Variants in SMG6 observed in about 807,000 individuals in gnomAD.
SMG6 encodes the protein SMG6 nonsense mediated mRNA decay factor.
Under a neutral mutation model 142.2 loss-of-function variants are expected in SMG6, and 66 were observed. The observed-to-expected ratio is 0.46, with a 90% CI of 0.38 to 0.57. The LOEUF is 0.57. Ranked by LOEUF, SMG6 falls within the 20% of genes least tolerant of loss-of-function variation. SMG6 has a pLI of 0.00. For missense variants in SMG6, 1,793 were observed against 1,832.0 expected, an observed-to-expected ratio of 0.98 and a Z score of 0.39; for synonymous variants, 779 against 702.4, an observed-to-expected ratio of 1.11 and a Z score of -1.72.
chr17:2,169,925 C>A (rs921681663), intron 13 of SMG6, among the ~76,000 whole-genome samples: 4 of 152,160 alleles, frequency 2.6e-5, no homozygotes, highest in African/African-American at 9.7e-5. Flanking sequence ...AGTGGGAAGA[C>A]AGAATTGTAT....
At position 2,291,287 on chromosome 17, in the gene SMG6, C is replaced by T. The variant is rs551663204; in HGVS notation, c.2337+1265G>A. ...CGGAGCTTGCCGTGAGCCGAGATCG[C>T]GCCACTGCACTCCAGCCTGAGCGAC... On this transcript the variant is annotated intron_variant, in intron 6 of 18. Coordinates refer to ENST00000263073, the MANE Select transcript of SMG6 (RefSeq NM_017575.5). Among the ~76,000 whole-genome samples, 134 of 151,324 alleles carry T rather than the reference C, an allele frequency of 8.9e-4. 1 individual carries two copies. The highest frequency in any genetic ancestry group is 3.0e-3 in the African/African-American group (123 of 41,166).
At chr17:2,298,704 C>T (rs990928245) in intron 2 of SMG6, among the ~76,000 whole-genome samples, 3 of 145,290 alleles carry the variant, frequency 2.1e-5, no homozygotes, top group African/African-American at 7.7e-5. Flanking sequence ...GGCGACAGAG[C>T]GAGACTCCGT....
At chr17:2,132,556 T>G (rs1351340391) in intron 13 of SMG6, among the ~76,000 whole-genome samples, 1 of 152,142 alleles carries the variant, frequency 6.6e-6, no homozygotes, top group East Asian at 1.9e-4. Context: ...AAAATTGTAT[T>G]TGGAAATCAA....
At chr17:2,278,475 C>T (rs1046140170) in intron 8 of SMG6, among the ~76,000 whole-genome samples, 1 of 152,022 alleles carries the variant, frequency 6.6e-6, no homozygotes, top group African/African-American at 2.4e-5. Flanking sequence ...AAAGTGCTGG[C>T]ATTACAAGCG....
intron 13 of SMG6, among the ~76,000 whole-genome samples, chr17:2,119,699 T>C (rs1298754997): frequency 1.3e-5 from 2 of 152,098 alleles, no homozygotes; most frequent in Admixed American, 6.6e-5. Context: ...TCTTGCTCTG[T>C]TGCCCAGGCT....
At chr17:2,285,940 C>G (rs1344609136) in intron 6 of SMG6, among the ~76,000 whole-genome samples, 1 of 151,974 alleles carries the variant, frequency 6.6e-6, no homozygotes, top group Non-Finnish European at 1.5e-5. Context: ...TCCCAAAGTG[C>G]TGGGATTACA....
At chr17:2,158,419 T>C (rs2151618426) in intron 13 of SMG6, among the ~76,000 whole-genome samples, 1 of 152,312 alleles carries the variant, frequency 6.6e-6, no homozygotes, top group South Asian at 2.1e-4. Context: ...TTTCATCTGG[T>C]TATTTCTGAG....
intron 7 of SMG6, 77 bp downstream of exon 7, chr17:2,283,548 C>A: frequency 1.7e-6 from 2 of 1,162,510 alleles, no homozygotes; most frequent in Non-Finnish European, 2.6e-6. Flanking sequence ...CCTGCCGGTG[C>A]GCAGAGCTAG....
At chr17:2,234,435 G>A (rs1051541995) in intron 10 of SMG6, among the ~76,000 whole-genome samples, 1 of 151,280 alleles carries the variant, frequency 6.6e-6, no homozygotes, top group African/African-American at 2.4e-5. Context: ...CTAATTTTTG[G>A]TATTTTTAGT....
At chr17:2,158,405 A>G (rs183316687) in intron 13 of SMG6, among the ~76,000 whole-genome samples, 1 of 152,328 alleles carries the variant, frequency 6.6e-6, no homozygotes, top group Admixed American at 6.5e-5. Context: ...GAGGTTTTAT[A>G]TTATTTCATC....
At chr17:2,062,537 C>T (rs1050209564) in intron 18 of SMG6, 1 of 151,150 alleles carries the variant, frequency 6.6e-6, no homozygotes, top group Non-Finnish European at 1.5e-5. Flanking sequence ...TCCACTACCT[C>T]TCTTTCCCTA....
At chr17:2,171,253 A>G (rs903050529) in intron 13 of SMG6, among the ~76,000 whole-genome samples, 3 of 152,190 alleles carry the variant, frequency 2.0e-5, no homozygotes, top group African/African-American at 7.2e-5. Flanking sequence ...CAGCCTGGGC[A>G]ACAGAGTGAG....
chr17:2,138,561 C>A (rs1381355232), intron 13 of SMG6, among the ~76,000 whole-genome samples: 1 of 152,120 alleles, frequency 6.6e-6, no homozygotes, highest in African/African-American at 2.4e-5. Context: ...AGTAGTAGAC[C>A]AGATGCTTTA....
At chr17:2,269,123 G>A (rs1403767904) in intron 8 of SMG6, among the ~76,000 whole-genome samples, 6 of 151,334 alleles carry the variant, frequency 4.0e-5, no homozygotes, top group African/African-American at 1.5e-4. Context: ...GAGAGGCTGC[G>A]GCAGGAGAAT....
chr17:2,125,621 T>C (rs2069847940), intron 13 of SMG6, among the ~76,000 whole-genome samples: 1 of 152,222 alleles, frequency 6.6e-6, no homozygotes, highest in Non-Finnish European at 1.5e-5. Context: ...AAAATCCCAA[T>C]GGCATTTTCC....
chr17:2,303,147 G>A (rs1371079779), intron 1 of SMG6: 2 of 985,340 alleles, frequency 2.0e-6, no homozygotes, highest in African/African-American at 3.5e-5. Flanking sequence ...CGCAGCTTTC[G>A]GAAGCCTGTC....
intron 8 of SMG6, among the ~76,000 whole-genome samples, chr17:2,277,920 T>C (rs1434984562): frequency 6.6e-6 from 1 of 152,032 alleles, no homozygotes; most frequent in Non-Finnish European, 1.5e-5. Context: ...TGGTGGCGCA[T>C]GCTTGCAGTC....
intron 12 of SMG6, among the ~76,000 whole-genome samples, chr17:2,180,462 A>AT (rs1275820247): frequency 6.6e-6 from 1 of 152,200 alleles, no homozygotes; most frequent in Non-Finnish European, 1.5e-5. Context: ...CACAGATCTA[A>AT]TAAGTGCCAC....
intron 8 of SMG6, among the ~76,000 whole-genome samples, chr17:2,263,714 A>G (rs1460615760): frequency 2.0e-5 from 3 of 152,210 alleles, no homozygotes; most frequent in Non-Finnish European, 1.5e-5. Context: ...ATTTATGAGT[A>G]AAGTGAAAGG....
Sources: gnomAD v4.1 joint callset for allele counts (sites outside exome capture counted in the v4.1 genomes callset) on GRCh38, gnomAD v4.1.1 for gene constraint, MANE v1.5 for transcripts, NCBI Gene and HGNC (gene_info 2026-07-23, HGNC 2026-07-21) for gene names.